The following CSMD1 variants were observed in gnomAD, a reference collection of about 807,000 sequenced individuals.
CSMD1 encodes the protein CUB and sushi domain-containing protein 1.
Under a neutral mutation model 417.5 loss-of-function variants are expected in CSMD1, and 213 were observed. The observed-to-expected ratio is 0.51, with a 90% CI of 0.46 to 0.57. CSMD1 has a LOEUF of 0.57. Among genes scored for constraint, CSMD1 ranks in the 20% least tolerant of loss-of-function variants. The pLI is 0.00. For synonymous variants in CSMD1, 2,862 were observed against 1,736.8 expected (o/e 1.65, Z -16.11); for missense variants, 6,923 against 4,529.7 (o/e 1.53, Z -15.17).
At chr8:4,459,718 A>T (rs1799693925) in intron 2 of CSMD1, among the ~76,000 whole-genome samples, 1 of 152,246 alleles carries the variant, frequency 6.6e-6, no homozygotes, top group Admixed American at 6.5e-5. Flanking sequence ...TTCAGAAATA[A>T]TGAAGCAATC....
At chr8:3,046,800 T>G (rs1267905254) in intron 50 of CSMD1, among the ~76,000 whole-genome samples, 1 of 152,220 alleles carries the variant, frequency 6.6e-6, no homozygotes, top group Admixed American at 6.5e-5. Flanking sequence ...TGGCAAATTC[T>G]TTGATACCTC....
At chr8:4,293,412 A>T (rs796803964) in intron 3 of CSMD1, among the ~76,000 whole-genome samples, 3 of 152,342 alleles carry the variant, frequency 2.0e-5, no homozygotes, top group East Asian at 3.9e-4. Flanking sequence ...TATTAACCAA[A>T]GCTACGGCTA....
chr8:3,739,812 T>C (rs1796701988), intron 6 of CSMD1, among the ~76,000 whole-genome samples: 2 of 152,148 alleles, frequency 1.3e-5, no homozygotes, highest in South Asian at 4.1e-4. Context: ...TTCAATTTTG[T>C]TAGTAACAAA....
intron 3 of CSMD1, among the ~76,000 whole-genome samples, chr8:4,135,371 AAAGT>A (rs1803362859): frequency 2.3e-5 from 1 of 44,292 alleles, no homozygotes; most frequent in African/African-American, 1.0e-4. Context: ...AAGGAAGGGG[AAAGT>A]GGGAAAGAGG....
At position 4,834,309 on chromosome 8, in the gene CSMD1, G is replaced by C. The variant is rs116366902; in HGVS notation, c.85+160023C>G. Among the ~76,000 whole-genome samples the C allele has an allele frequency of 4.2e-3, 643 of 152,204 alleles. 7 individuals carry two copies. Among genetic ancestry groups the C allele is most frequent in the African/African-American group, 0.015 (617 of 41,540 alleles). On this transcript the variant is annotated intron_variant, in intron 1 of 69. Coordinates refer to ENST00000635120, the MANE Select transcript of CSMD1 (RefSeq NM_033225.6). ...TTATGTGCTACACGTTACATACTGG[G>C]AACAGAAAAACAGGTAAGATTTACT... is the stretch of plus-strand genomic sequence containing the variant.
chr8:4,097,178 C>T (rs913037227), intron 3 of CSMD1, among the ~76,000 whole-genome samples: 1 of 152,092 alleles, frequency 6.6e-6, no homozygotes, highest in African/African-American at 2.4e-5. Flanking sequence ...TATATATGCT[C>T]AATAAGCAAT....
At chr8:4,579,374 G>T (rs1001170644) in intron 2 of CSMD1, among the ~76,000 whole-genome samples, 3 of 151,768 alleles carry the variant, frequency 2.0e-5, no homozygotes, top group African/African-American at 7.3e-5. Context: ...GTTTGTGTAT[G>T]TTTGACAGAA....
At chr8:3,810,561 A>G (rs965184546) in intron 5 of CSMD1, among the ~76,000 whole-genome samples, 2 of 152,180 alleles carry the variant, frequency 1.3e-5, no homozygotes, top group Non-Finnish European at 2.9e-5. Flanking sequence ...ACCGAGGGTC[A>G]GTCTACAAGG....
At position 4,630,086 on chromosome 8, in the gene CSMD1, C is replaced by T. The variant is rs1267305010; in HGVS notation, c.302+7256G>A. On this transcript the variant is annotated intron_variant, in intron 2 of 69. Transcript: ENST00000635120. ...AAGTGAACCATCCGTTTTTAGCTAC[C>T]GCAAAACACACCACCACAGCATGAG... 5.9e-5 allele frequency among the ~76,000 whole-genome samples: 9 copies of T among 152,160 alleles called. 1 individual carries two copies. In the East Asian group the frequency reaches 7.7e-4, roughly 13 times the overall value.
At chr8:4,860,906 T>C (rs1018887674) in intron 1 of CSMD1, among the ~76,000 whole-genome samples, 2 of 152,082 alleles carry the variant, frequency 1.3e-5, no homozygotes, top group Non-Finnish European at 1.5e-5. Flanking sequence ...TGACTCTACA[T>C]AGTGAATCTC....
At position 3,802,555 on chromosome 8, in the gene CSMD1, T is replaced by C. The variant is rs568690427; in HGVS notation, c.819-48513A>G. Among the ~76,000 whole-genome samples the C allele has an allele frequency of 2.6e-4, 40 of 152,302 alleles. 1 individual carries two copies. In the South Asian group the frequency reaches 7.7e-3, roughly 29 times the overall value. On this transcript the variant is annotated intron_variant, in intron 5 of 69. Transcript: ENST00000635120. The stretch of plus-strand genomic sequence containing the variant: ...CATTTAGCAGAATAATTTTGCCACC[T>C]ACTTAGTTAAGGGGAGAAATACAGG...
intron 7 of CSMD1, among the ~76,000 whole-genome samples, chr8:3,651,596 T>A (rs999124667): frequency 6.6e-6 from 1 of 152,120 alleles, no homozygotes; most frequent in Admixed American, 6.6e-5. Context: ...GAATAGCCCC[T>A]GCCCCCCTGC....
At chr8:4,037,381 C>G (rs1048071621) in intron 3 of CSMD1, among the ~76,000 whole-genome samples, 4 of 152,234 alleles carry the variant, frequency 2.6e-5, no homozygotes, top group Non-Finnish European at 5.9e-5. Flanking sequence ...TGGCCATCAG[C>G]TCCACGCAAC....
At chr8:4,773,093 G>A (rs571216782) in intron 1 of CSMD1, among the ~76,000 whole-genome samples, 1 of 152,048 alleles carries the variant, frequency 6.6e-6, no homozygotes, top group East Asian at 1.9e-4. Context: ...ATTTTTTTCA[G>A]ATTTGGGAAT....
chr8:4,514,330 T>C (rs1052955933), intron 2 of CSMD1, among the ~76,000 whole-genome samples: 11 of 152,114 alleles, frequency 7.2e-5, no homozygotes, highest in African/African-American at 2.7e-4. Flanking sequence ...AGAGACCCTC[T>C]CTCCATATAC....
At chr8:4,033,462 A>G (rs935132243) in intron 3 of CSMD1, among the ~76,000 whole-genome samples, 2 of 152,122 alleles carry the variant, frequency 1.3e-5, no homozygotes, top group African/African-American at 2.4e-5. Context: ...AACAACAACA[A>G]TAAAAAAACC....
chr8:2,940,557 G>A (rs1585027330), intron 69 of CSMD1, among the ~76,000 whole-genome samples: 2 of 152,134 alleles, frequency 1.3e-5, no homozygotes, highest in South Asian at 2.1e-4. Context: ...CCAAGGCACC[G>A]CCTTCACGGA....
At chr8:4,963,624 G>C (rs1252603470) in intron 1 of CSMD1, among the ~76,000 whole-genome samples, 2 of 152,110 alleles carry the variant, frequency 1.3e-5, no homozygotes, top group Non-Finnish European at 2.9e-5. Context: ...CTGTAACTTA[G>C]ATGATCTCAG....
intron 2 of CSMD1, among the ~76,000 whole-genome samples, chr8:4,611,591 CAGA>C (rs1188579376): frequency 3.3e-5 from 5 of 152,172 alleles, no homozygotes; most frequent in African/African-American, 1.2e-4. Flanking sequence ...CTCACCTCAC[CAGA>C]AGATGAAACT....
Sources: gnomAD v4.1 joint callset for allele counts (sites outside exome capture counted in the v4.1 genomes callset) on GRCh38, gnomAD v4.1.1 for gene constraint, MANE v1.5 for transcripts, NCBI Gene and HGNC (gene_info 2026-07-23, HGNC 2026-07-21) for gene names.